The following LPP variants were observed in gnomAD, a reference collection of about 807,000 sequenced individuals.
LPP encodes LIM domain containing preferred translocation partner in lipoma.
In LPP, 38 loss-of-function variants were observed where a neutral mutation model predicts 60.4. The observed-to-expected ratio is 0.63, with a 90% confidence interval of 0.49 to 0.83. LPP has a LOEUF of 0.83. Among genes scored for constraint, LPP ranks in the 40% least tolerant of loss-of-function variants. The pLI, the probability that LPP is intolerant of heterozygous loss-of-function variation, is 0.00. For synonymous variants in LPP, 328 were observed against 290.8 expected (o/e 1.13, Z -1.30); for missense variants, 902 against 783.6 (o/e 1.15, Z -1.80).
Position 188,876,582 on chromosome 3 carries a change from G to T in LPP, c.*2103G>T, listed in dbSNP as rs777758156. 21 of 204,344 alleles carry T rather than the reference G, an allele frequency of 1.0e-4. No individual in the cohort carries two copies. The highest frequency in any genetic ancestry group is 2.0e-4 in the Non-Finnish European group (20 of 99,710). The allele number at this position is 204,344 out of a possible 1,614,324, so 12.7% of individuals were successfully genotyped here. On this transcript the variant is annotated 3_prime_UTR_variant, in exon 12 of 12. Coordinates refer to ENST00000617246, the MANE Select transcript of LPP (RefSeq NM_001375462.1). ...CATGCTGATGACCTCAAGTAGCACTGACTATTTGACAATAGGGCTGATAAT... is the reference window on the plus strand; with the variant it reads ...CATGCTGATGACCTCAAGTAGCACTTACTATTTGACAATAGGGCTGATAAT...
At chr3:188,818,549 A>G (rs1389207344) in intron 9 of LPP, among the ~76,000 whole-genome samples, 1 of 152,198 alleles carries the variant, frequency 6.6e-6, no homozygotes, top group Non-Finnish European at 1.5e-5. Context: ...CTGCAAAAAT[A>G]TAAAGTAGTT....
chr3:188,770,336 G>A (rs1195483895), intron 9 of LPP, among the ~76,000 whole-genome samples: 5 of 124,956 alleles, frequency 4.0e-5, no homozygotes, highest in South Asian at 2.8e-4. Context: ...CCGCCACCAC[G>A]CCCAGCTATT....
Position 188,760,272 on chromosome 3 carries a change from C to T in LPP, c.1400C>T (p.Pro467Leu), listed in dbSNP as rs757981493. ...YAVEKKAYCE[P>L]CYINTLEQCN... ...GTGGAAAAGAAAGCATACTGCGAGC[C>T]CTGCTACATTGTAAGTTCCAGATTT... Residue 467 changes from proline (P) to leucine (L), a missense_variant, in exon 9 of 12, where the codon CCC (proline) becomes CTC (leucine). Physicochemically the swap from Pro to Leu is moderately conservative, Grantham distance 98. Transcript: ENST00000617246. 3 of 1,613,842 alleles carry T rather than the reference C, an allele frequency of 1.9e-6. No homozygotes were observed. In the African/African-American group the frequency reaches 4.0e-5, roughly 22 times the overall value.
At chr3:188,488,747 C>CT (rs1199335020) in intron 5 of LPP, among the ~76,000 whole-genome samples, 4 of 152,054 alleles carry the variant, frequency 2.6e-5, no homozygotes, top group African/African-American at 4.8e-5. Context: ...AGCGATTCTC[C>CT]TGCCTCAGCC....
At chr3:188,408,124 A>T (rs1394470402) in intron 4 of LPP, among the ~76,000 whole-genome samples, 1 of 152,042 alleles carries the variant, frequency 6.6e-6, no homozygotes, top group African/African-American at 2.4e-5. Flanking sequence ...TTGTCAGCTT[A>T]CTAGGGGCAT....
intron 8 of LPP, among the ~76,000 whole-genome samples, chr3:188,736,517 G>C (rs1195899021): frequency 1.3e-5 from 2 of 152,038 alleles, no homozygotes; most frequent in African/African-American, 4.8e-5. Context: ...CAAAGATTTA[G>C]GAAAAGAAAC....
intron 4 of LPP, among the ~76,000 whole-genome samples, chr3:188,482,044 TAGTG>T (rs1319844140): frequency 1.3e-5 from 2 of 152,196 alleles, no homozygotes; most frequent in African/African-American, 4.8e-5. Context: ...GTTCTCATGA[TAGTG>T]AGTGTGTTCT....
intron 3 of LPP, among the ~76,000 whole-genome samples, chr3:188,391,628 A>G (rs1414025491): frequency 5.3e-5 from 8 of 152,080 alleles, no homozygotes; most frequent in Admixed American, 5.2e-4. Flanking sequence ...GAATCACAAA[A>G]CTGCACAAAA....
chr3:188,336,129 T>A (rs1188905056), intron 2 of LPP, among the ~76,000 whole-genome samples: 1 of 152,106 alleles, frequency 6.6e-6, no homozygotes, highest in Non-Finnish European at 1.5e-5. Context: ...ATTTTTTTCA[T>A]AATGGGGAGA....
intron 6 of LPP, among the ~76,000 whole-genome samples, chr3:188,550,518 C>T (rs1356724454): frequency 2.3e-5 from 3 of 128,648 alleles, no homozygotes; most frequent in South Asian, 2.6e-4. Context: ...GCGGAGGTTG[C>T]GGTGAGCCGA....
intron 5 of LPP, among the ~76,000 whole-genome samples, chr3:188,494,225 G>A (rs887921558): frequency 1.3e-5 from 2 of 152,140 alleles, no homozygotes; most frequent in Non-Finnish European, 2.9e-5. Context: ...CAAGGCTAAT[G>A]GTTTGGGGAT....
chr3:188,188,136 T>C (rs891910750), intron 1 of LPP, among the ~76,000 whole-genome samples: 22 of 152,172 alleles, frequency 1.4e-4, no homozygotes, highest in African/African-American at 5.1e-4. Context: ...GAATTCTTCA[T>C]AGGGGAAGAA....
At chr3:188,552,376 AC>A (rs1462347062) in intron 6 of LPP, among the ~76,000 whole-genome samples, 5 of 152,204 alleles carry the variant, frequency 3.3e-5, no homozygotes. Flanking sequence ...TGCCATAAGG[AC>A]CATTAACTGC....
At chr3:188,307,959 G>A (rs564605795) in intron 2 of LPP, among the ~76,000 whole-genome samples, 7 of 152,266 alleles carry the variant, frequency 4.6e-5, no homozygotes, top group Middle Eastern at 3.4e-3. Flanking sequence ...GTGTCTGTGC[G>A]TGTGTGTAAT....
At chr3:188,427,315 G>T (rs1789648641) in intron 4 of LPP, among the ~76,000 whole-genome samples, 2 of 152,204 alleles carry the variant, frequency 1.3e-5, no homozygotes, top group South Asian at 4.1e-4. Context: ...TTTCTGCAGA[G>T]AGATCTGCTG....
At chr3:188,834,708 C>G (rs1424257822) in intron 9 of LPP, among the ~76,000 whole-genome samples, 3 of 152,150 alleles carry the variant, frequency 2.0e-5, no homozygotes, top group Non-Finnish European at 4.4e-5. Context: ...TTCCTTAACT[C>G]TTTATTTCTG....
chr3:188,477,339 T>C (rs1164532568), intron 4 of LPP, among the ~76,000 whole-genome samples: 1 of 152,180 alleles, frequency 6.6e-6, no homozygotes, highest in Non-Finnish European at 1.5e-5. Context: ...TTAACAGTAG[T>C]AGCTGGATCA....
At chr3:188,826,177 G>A (rs1185529038) in intron 9 of LPP, among the ~76,000 whole-genome samples, 1 of 152,284 alleles carries the variant, frequency 6.6e-6, no homozygotes, top group East Asian at 1.9e-4. Context: ...CTCTCCAGTG[G>A]ACAGGTTACC....
chr3:188,833,672 C>T (rs1757644930), intron 9 of LPP, among the ~76,000 whole-genome samples: 1 of 152,076 alleles, frequency 6.6e-6, no homozygotes. Context: ...CAAATCCAGC[C>T]ACTTTGCACT....
Sources: allele counts gnomAD v4.1 joint callset (sites outside exome capture counted in the v4.1 genomes callset), GRCh38; gene constraint gnomAD v4.1.1; transcripts MANE v1.5; gene names NCBI Gene and HGNC (gene_info 2026-07-23, HGNC 2026-07-21).